Variants in IL1R1 observed in about 807,000 individuals in gnomAD.
The protein encoded by IL1R1 is interleukin 1 receptor type 1, also known as interleukin-1 receptor type 1.
A neutral mutation model predicts 50.2 loss-of-function variants in IL1R1; 22 were observed. That is an observed-to-expected ratio of 0.44 (90% CI 0.31 to 0.63). The LOEUF (loss-of-function observed/expected upper bound fraction) is 0.63, where lower values mean the gene tolerates loss of function less well. Among genes scored for constraint, IL1R1 ranks in the 20% least tolerant of loss-of-function variants. The pLI is 0.07. For synonymous variants in IL1R1, 251 were observed against 236.7 expected (o/e 1.06, Z -0.55); for missense variants, 509 against 676.2 (o/e 0.75, Z 2.74).
At chr2:102,094,778 A>T (rs1679827209) in intron 1 of IL1R1, among the ~76,000 whole-genome samples, 1 of 152,068 alleles carries the variant, frequency 6.6e-6, no homozygotes, top group African/African-American at 2.4e-5. Flanking sequence ...AAATATATAT[A>T]TTTTTCTTAT....
chr2:102,110,446 G>A (rs1250763094), intron 1 of IL1R1, among the ~76,000 whole-genome samples: 2 of 35,154 alleles, frequency 5.7e-5, no homozygotes, highest in South Asian at 8.3e-4. Context: ...CACCCCACCA[G>A]GTCATACCAA....
intron 5 of IL1R1, 76 bp downstream of exon 5, chr2:102,165,380 A>C (rs537976036): frequency 9.8e-6 from 7 of 716,422 alleles, no homozygotes; most frequent in Non-Finnish European, 1.5e-5. Flanking sequence ...ATGTATCTGC[A>C]AAGTACCTTT....
chr2:102,126,973 G>A (rs1305803921), intron 1 of IL1R1, among the ~76,000 whole-genome samples: 3 of 152,198 alleles, frequency 2.0e-5, no homozygotes, highest in African/African-American at 7.2e-5. Flanking sequence ...TTAATGCAGA[G>A]GCCCCCTTGT....
At chr2:102,089,807 G>A (rs1361465077) in intron 1 of IL1R1, among the ~76,000 whole-genome samples, 2 of 151,120 alleles carry the variant, frequency 1.3e-5, no homozygotes, top group Non-Finnish European at 3.0e-5. Context: ...ATTATGATGG[G>A]TCAAGGTGTA....
upstream of IL1R1, chr2:102,142,360 G>C (rs533282899): frequency 6.6e-6 from 1 of 152,310 alleles, no homozygotes; most frequent in African/African-American, 2.4e-5. Flanking sequence ...TCTGGCGAGC[G>C]TTTGCTTCGG....
At chr2:102,173,190 C>G (rs1685838402) in intron 9 of IL1R1, among the ~76,000 whole-genome samples, 2 of 152,166 alleles carry the variant, frequency 1.3e-5, no homozygotes, top group Non-Finnish European at 2.9e-5. Flanking sequence ...ATTTCCACAG[C>G]TAATGGCAAG....
intron 1 of IL1R1, among the ~76,000 whole-genome samples, chr2:102,079,993 ATCT>A (rs1228141055): frequency 6.6e-6 from 1 of 152,172 alleles, no homozygotes; most frequent in Non-Finnish European, 1.5e-5. Flanking sequence ...GGAAAGAATA[ATCT>A]TCTTAATAAA....
chr2:102,112,102 A>T (rs1400514568), intron 1 of IL1R1, among the ~76,000 whole-genome samples: 1 of 151,698 alleles, frequency 6.6e-6, no homozygotes, highest in African/African-American at 2.4e-5. Flanking sequence ...TGCTTTGTTT[A>T]TGAGTCTGTA....
At chr2:102,072,278 G>GA (rs1056622389) in intron 1 of IL1R1, among the ~76,000 whole-genome samples, 39 of 148,014 alleles carry the variant, frequency 2.6e-4, no homozygotes, top group Admixed American at 2.0e-3. Context: ...AAAAAAAAAA[G>GA]AAAAAAATTC....
In IL1R1 at chr2:102,079,789, A is replaced by T. The variant is rs573175759; in HGVS notation, c.-84+9256A>T. Among the ~76,000 whole-genome samples, 3 of 152,260 alleles carry T rather than the reference A, an allele frequency of 2.0e-5. No individual in the cohort carries two copies. In the South Asian group the frequency reaches 6.2e-4, roughly 32 times the overall value. ...GCAAAGGATGGAGAATATCCAAAAC[A>T]ATCTTGAAAAATAACAAAGTCAATG... On this transcript the variant is annotated intron_variant, in intron 1 of 11. Transcript: ENST00000409929.
At chr2:102,120,263 G>A (rs1160608497) in intron 1 of IL1R1, among the ~76,000 whole-genome samples, 1 of 152,098 alleles carries the variant, frequency 6.6e-6, no homozygotes, top group African/African-American at 2.4e-5. Flanking sequence ...GGGTTTTCAT[G>A]TGTGTTGAGT....
At chr2:102,094,453 A>G (rs1481781694) in intron 1 of IL1R1, among the ~76,000 whole-genome samples, 1 of 152,226 alleles carries the variant, frequency 6.6e-6, no homozygotes, top group African/African-American at 2.4e-5. Context: ...CAAAAGTCAA[A>G]TATGTTCCTA....
chr2:102,150,338 A>C (rs1158103766), intron 1 of IL1R1, among the ~76,000 whole-genome samples: 1 of 151,910 alleles, frequency 6.6e-6, no homozygotes, highest in East Asian at 1.9e-4. Flanking sequence ...GTGCTGTTGG[A>C]TGAGGTCAGT....
At chr2:102,119,890 G>A (rs1418847659) in intron 1 of IL1R1, among the ~76,000 whole-genome samples, 2 of 152,054 alleles carry the variant, frequency 1.3e-5, no homozygotes, top group Non-Finnish European at 2.9e-5. Context: ...TTGTCCATTA[G>A]GCCCTTCAGA....
intron 3 of IL1R1, among the ~76,000 whole-genome samples, chr2:102,158,136 G>C (rs537976317): frequency 6.6e-6 from 1 of 152,324 alleles, no homozygotes; most frequent in Non-Finnish European, 1.5e-5. Flanking sequence ...TCATTTGGAG[G>C]AGATATTATG....
chr2:102,155,757 A>G (rs184842892), intron 2 of IL1R1, among the ~76,000 whole-genome samples: 400 of 152,248 alleles, frequency 2.6e-3, no homozygotes, highest in African/African-American at 9.2e-3. Context: ...TTTATAGTCT[A>G]TTAGAGGAGG....
At chr2:102,103,990 G>GAAAAAA (rs72041212), upstream of IL1R1, among the ~76,000 whole-genome samples, 42 of 83,958 alleles carry the variant, frequency 5.0e-4, 1 homozygote, top group East Asian at 0.015. Context: ...GACTGTCTCA[G>GAAAAAA]AAAAAAAAAA....
At chr2:102,106,061 T>C (rs1368504287) in intron 1 of IL1R1, among the ~76,000 whole-genome samples, 2 of 152,224 alleles carry the variant, frequency 1.3e-5, no homozygotes, top group African/African-American at 4.8e-5. Flanking sequence ...TATCATTCAA[T>C]TCAATTTATA....
At chr2:102,104,193 G>A (rs1680278282), upstream of IL1R1, among the ~76,000 whole-genome samples, 1 of 152,074 alleles carries the variant, frequency 6.6e-6, no homozygotes, top group African/African-American at 2.4e-5. Context: ...GCCACCATGA[G>A]AAGTGGGCCA....
Sources: gnomAD v4.1 joint callset for allele counts (sites outside exome capture counted in the v4.1 genomes callset) on GRCh38, gnomAD v4.1.1 for gene constraint, MANE v1.5 for transcripts, NCBI Gene and HGNC (gene_info 2026-07-23, HGNC 2026-07-21) for gene names.